CEP85L: variants seen among roughly 807,000 people sequenced by gnomAD.
CEP85L encodes centrosomal protein 85L, also known as centrosomal protein of 85 kDa-like.
CEP85L carries 60 observed loss-of-function variants against 100.3 expected under a neutral mutation model. That is an observed-to-expected ratio of 0.60 (90% CI 0.49 to 0.74). The LOEUF is 0.74. Among genes scored for constraint, CEP85L ranks in the 30% least tolerant of loss-of-function variants. CEP85L has a pLI of 0.00. For synonymous variants in CEP85L, 319 were observed against 322.7 expected (o/e 0.99, Z 0.12); for missense variants, 973 against 936.2 (o/e 1.04, Z -0.51).
chr6:118,580,532 C>T (rs554071624), intron 2 of CEP85L, among the ~76,000 whole-genome samples: 2 of 152,346 alleles, frequency 1.3e-5, no homozygotes, highest in Admixed American at 1.3e-4. Flanking sequence ...AGATGTGAGG[C>T]TTGCTGGTGA....
At position 118,469,073 on chromosome 6, in the gene CEP85L, T is replaced by A. The variant is rs758111625; in HGVS notation, c.2253A>T (p.Arg751Ser). ...AAGGACAAGTCATCAGACACTTACA[T>A]CTTATTCCCAGTAATAATGAAAGAT... ...EPNLSLLLGI[R>S]SMNCSAEETE... is the part of the protein sequence containing the mutation. Residue 751 changes from arginine to serine, a missense_variant and splice_region_variant, in exon 12 of 13, where the codon AGA (arginine) becomes AGT (serine). Arg to Ser is a moderately radical substitution (Grantham distance 110). Coordinates refer to ENST00000368491, the MANE Select transcript of CEP85L (RefSeq NM_001042475.3). 7 of 1,600,328 alleles carry A rather than the reference T, an allele frequency of 4.4e-6. No individual in the cohort carries two copies. The East Asian group carries it at 1.1e-4, about 26-fold the overall frequency.
At chr6:118,484,127 T>C (rs781202618) in intron 6 of CEP85L, among the ~76,000 whole-genome samples, 1 of 152,066 alleles carries the variant, frequency 6.6e-6, no homozygotes, top group Non-Finnish European at 1.5e-5. Flanking sequence ...CTGGCCAATA[T>C]GGCAAAACCC....
chr6:118,511,403 T>C lies in CEP85L; in HGVS notation c.1152A>G (p.Gln384=). Residue 384 remains glutamine, a synonymous_variant, in exon 5 of 13, where the codon CAA becomes CAG. Coordinates refer to ENST00000368491, the MANE Select transcript of CEP85L (RefSeq NM_001042475.3). ...KEIVIDRQKQ[Q]ITHLHERIRD... The stretch of plus-strand genomic sequence containing the variant: ...TTATCCTCTCATGCAGGTGGGTAAT[T>C]TGTTGCTTCTGCCTGCAAAACATAA... 1 of 1,610,124 alleles carries C rather than the reference T, an allele frequency of 6.2e-7. No homozygotes were observed. Among genetic ancestry groups the C allele is most frequent in the East Asian group, 2.2e-5 (1 of 44,796 alleles).
intron 3 of CEP85L, among the ~76,000 whole-genome samples, chr6:118,545,582 G>A (rs12211934): frequency 0.029 from 4,397 of 152,118 alleles, 107 homozygotes; most frequent in African/African-American, 0.056. Flanking sequence ...GTGAGACTCC[G>A]CACCCCCTTC....
intron 1 of CEP85L, among the ~76,000 whole-genome samples, chr6:118,658,746 T>A (rs1428805843): frequency 6.6e-6 from 1 of 152,092 alleles, no homozygotes; most frequent in African/African-American, 2.4e-5. Flanking sequence ...ATAAGTAAAT[T>A]AATAAATATT....
At chr6:118,574,749 T>G (rs929319689) in intron 2 of CEP85L, among the ~76,000 whole-genome samples, 2 of 151,444 alleles carry the variant, frequency 1.3e-5, no homozygotes, top group African/African-American at 4.8e-5. Flanking sequence ...GCAGCAGGAG[T>G]ACTTCCTTGG....
At chr6:118,612,765 GA>G (rs1275639423) in intron 2 of CEP85L, among the ~76,000 whole-genome samples, 1 of 145,148 alleles carries the variant, frequency 6.9e-6, no homozygotes, top group Admixed American at 7.2e-5. Flanking sequence ...ACCCAAAGCA[GA>G]AAAAAAGGAA....
intron 1 of CEP85L, among the ~76,000 whole-genome samples, chr6:118,672,417 G>A (rs1419170413): frequency 2.0e-5 from 3 of 151,968 alleles, no homozygotes; most frequent in Non-Finnish European, 4.4e-5. Flanking sequence ...TACTCAGATG[G>A]TGCTAGCTGT....
At chr6:118,490,301 C>CA (rs1240442681) in intron 6 of CEP85L, among the ~76,000 whole-genome samples, 1 of 152,080 alleles carries the variant, frequency 6.6e-6, no homozygotes, top group East Asian at 1.9e-4. Flanking sequence ...ATTATACACT[C>CA]AAAAATTTGT....
At chr6:118,520,026 G>C (rs746276662) in intron 4 of CEP85L, among the ~76,000 whole-genome samples, 2 of 152,100 alleles carry the variant, frequency 1.3e-5, no homozygotes, top group Non-Finnish European at 2.9e-5. Context: ...AAATTCATCA[G>C]CTACCTAGAA....
At chr6:118,502,270 A>G in intron 5 of CEP85L, 1 of 561,102 alleles carries the variant, frequency 1.8e-6, no homozygotes. Flanking sequence ...CAGCAAGGAT[A>G]ATTCAGATTT....
chr6:118,685,147 GTATCTGTAATTGTCCT>G (rs1275434043), intron 1 of CEP85L, among the ~76,000 whole-genome samples: 2 of 152,134 alleles, frequency 1.3e-5, no homozygotes, highest in Non-Finnish European at 2.9e-5. Flanking sequence ...TTACTTAGTT[GTATCTGTAATTGTCCT>G]TTTGTTTTTA....
chr6:118,623,091 C>G (rs1773558504), intron 2 of CEP85L, among the ~76,000 whole-genome samples: 1 of 152,202 alleles, frequency 6.6e-6, no homozygotes, highest in Non-Finnish European at 1.5e-5. Flanking sequence ...TCCAACAAAC[C>G]TTTCATACAG....
intron 10 of CEP85L, among the ~76,000 whole-genome samples, chr6:118,471,063 A>G (rs1772917503): frequency 6.6e-6 from 1 of 152,074 alleles, no homozygotes; most frequent in Admixed American, 6.6e-5. Context: ...CAAGATAATA[A>G]GATCATGATA....
At chr6:118,587,903 T>C (rs1780961097) in intron 2 of CEP85L, among the ~76,000 whole-genome samples, 1 of 152,196 alleles carries the variant, frequency 6.6e-6, no homozygotes, top group Admixed American at 6.5e-5. Flanking sequence ...TTCTAAGATA[T>C]GAGAAAAATC....
At chr6:118,702,895 C>T (rs1777461157) in intron 1 of CEP85L, among the ~76,000 whole-genome samples, 2 of 150,636 alleles carry the variant, frequency 1.3e-5, no homozygotes, top group South Asian at 4.2e-4. Context: ...ACTCGGGAGG[C>T]TGAGGCAGGA....
chr6:118,663,049 TA>T (rs58082624), intron 1 of CEP85L, among the ~76,000 whole-genome samples: 1,800 of 144,308 alleles, frequency 0.012, 37 homozygotes, highest in African/African-American at 0.04. Flanking sequence ...ATTTTCATGG[TA>T]AAAAAAAAAA....
At chr6:118,650,515 AT>A (rs1775479264) in intron 1 of CEP85L, among the ~76,000 whole-genome samples, 1 of 152,184 alleles carries the variant, frequency 6.6e-6, no homozygotes, top group African/African-American at 2.4e-5. Flanking sequence ...AGCCAAACGG[AT>A]TCGTAACCCG....
upstream of CEP85L, chr6:118,651,784 C>G (rs1775588701): frequency 2.0e-6 from 2 of 986,100 alleles, no homozygotes. Flanking sequence ...GCCCTCCCGC[C>G]GCATCCCTCT....
Sources: gnomAD v4.1 joint callset for allele counts (sites outside exome capture counted in the v4.1 genomes callset) on GRCh38, gnomAD v4.1.1 for gene constraint, MANE v1.5 for transcripts, NCBI Gene and HGNC (gene_info 2026-07-23, HGNC 2026-07-21) for gene names.